Variants in TAF1A observed in about 807,000 individuals in gnomAD.
The protein encoded by TAF1A is TATA-box binding protein associated factor, RNA polymerase I subunit A.
A neutral mutation model predicts 61.6 loss-of-function variants in TAF1A; 42 were observed. That is an observed-to-expected ratio of 0.68 (90% CI 0.53 to 0.88). TAF1A has a LOEUF of 0.88. TAF1A is among the 40% of genes least tolerant of loss of function. The pLI is 0.00. For synonymous variants in TAF1A, 179 were observed against 177.7 expected, an observed-to-expected ratio of 1.01 and a Z score of -0.06; for missense variants, 424 against 518.7, an observed-to-expected ratio of 0.82 and a Z score of 1.77.
chr1:222,568,991 TAA>T (rs1296806232), intron 7 of TAF1A: 3 of 162,140 alleles, frequency 1.9e-5, no homozygotes, highest in African/African-American at 7.2e-5. Flanking sequence ...AATGACTACA[TAA>T]GAGTCCATTT....
chr1:222,583,632 G>T (rs1363228136), intron 3 of TAF1A, among the ~76,000 whole-genome samples: 1 of 152,084 alleles, frequency 6.6e-6, no homozygotes, highest in Non-Finnish European at 1.5e-5. Context: ...GAGGTCAAGA[G>T]ATTGAGACCG....
intron 10 of TAF1A, among the ~76,000 whole-genome samples, chr1:222,559,629 A>C (rs1434354771): frequency 6.6e-6 from 1 of 152,110 alleles, no homozygotes; most frequent in African/African-American, 2.4e-5. Flanking sequence ...ACCTATAGTA[A>C]CCATTTTTAT....
chr1:222,557,192 T>G (rs1455358305), downstream of TAF1A, among the ~76,000 whole-genome samples: 1 of 152,248 alleles, frequency 6.6e-6, no homozygotes, highest in Non-Finnish European at 1.5e-5. Context: ...TAGTGAGTCT[T>G]CATGGAACTC....
At chr1:222,568,656 C>T (rs1207134505) in intron 7 of TAF1A, among the ~76,000 whole-genome samples, 2 of 152,084 alleles carry the variant, frequency 1.3e-5, no homozygotes, top group Non-Finnish European at 2.9e-5. Context: ...GTGTGAATGT[C>T]GATGGTACAG....
intron 5 of TAF1A, among the ~76,000 whole-genome samples, chr1:222,572,677 A>C (rs894690395): frequency 2.0e-5 from 3 of 152,160 alleles, no homozygotes; most frequent in African/African-American, 4.8e-5. Flanking sequence ...ATTTTCAGTA[A>C]GGGTGCCAAG....
downstream of TAF1A, among the ~76,000 whole-genome samples, chr1:222,554,905 A>C (rs1274667741): frequency 6.6e-6 from 1 of 152,254 alleles, no homozygotes; most frequent in Non-Finnish European, 1.5e-5. Context: ...ATAATTAATC[A>C]GCTAGGGACT....
At chr1:222,569,286 A>G (rs1168524659) in intron 7 of TAF1A, 5 of 1,450,028 alleles carry the variant, frequency 3.4e-6, no homozygotes, top group African/African-American at 2.9e-5. Flanking sequence ...GGGTTGCACA[A>G]GACTTCTGAT....
At chr1:222,583,898 AAG>A (rs1357863432) in intron 3 of TAF1A, among the ~76,000 whole-genome samples, 2 of 152,154 alleles carry the variant, frequency 1.3e-5, no homozygotes, top group Admixed American at 1.3e-4. Context: ...AACATCCATA[AAG>A]AGGGGGGAAA....
intron 1 of TAF1A, among the ~76,000 whole-genome samples, chr1:222,589,431 T>A (rs2936041): frequency 0.86 from 130,312 of 152,228 alleles, 55,864 homozygotes; most frequent in East Asian, 0.93. Flanking sequence ...ACCTTCTAAA[T>A]TCAAAGCATG....
chr1:222,572,759 G>T (rs1660412832), intron 5 of TAF1A, among the ~76,000 whole-genome samples: 1 of 152,150 alleles, frequency 6.6e-6, no homozygotes, highest in Non-Finnish European at 1.5e-5. Context: ...AAATAATAAA[G>T]TTGGGCCCCT....
Position 222,579,891 on chromosome 1 carries a change from C to G in TAF1A, c.292-19G>C, listed in dbSNP as rs367997170. 2.5e-6 allele frequency: 4 copies of G among 1,585,720 alleles called. No individual in the cohort carries two copies. The highest frequency in any genetic ancestry group is 2.6e-6 in the Non-Finnish European group (3 of 1,171,506). ...AAATAATCTGTCAAAGCAGAAATTA[C>G]TGCCAAAATGTAAAATTTTTGCCTT... On this transcript the variant is annotated intron_variant, in intron 3 of 10. Transcript: ENST00000352967.
downstream of TAF1A, chr1:222,557,887 T>TTG (rs1553272557): frequency 3.2e-3 from 395 of 123,328 alleles, 1 homozygote; most frequent in South Asian, 5.0e-3. Flanking sequence ...TTTGTTTTTT[T>TTG]TTTTTTTTTT....
At chr1:222,571,710 A>G (rs1660359104) in intron 5 of TAF1A, among the ~76,000 whole-genome samples, 1 of 152,162 alleles carries the variant, frequency 6.6e-6, no homozygotes, top group African/African-American at 2.4e-5. Context: ...TACTGTTGAA[A>G]AAAAATTTTT....
intron 3 of TAF1A, among the ~76,000 whole-genome samples, chr1:222,580,708 A>T (rs1431916285): frequency 6.6e-6 from 1 of 152,030 alleles, no homozygotes; most frequent in Non-Finnish European, 1.5e-5. Flanking sequence ...GAGCTTAAAG[A>T]AAACCTGGGT....
At position 222,588,577 on chromosome 1, in the gene TAF1A, T is replaced by A; in HGVS notation, c.-2-12A>T. ...GAAATCACTCATACCTATTACAAGATGAGATATCAGTTACTTTCTGTACAT... is the reference window on the plus strand; with the variant it reads ...GAAATCACTCATACCTATTACAAGAAGAGATATCAGTTACTTTCTGTACAT... On this transcript the variant is annotated splice_polypyrimidine_tract_variant and intron_variant, in intron 1 of 10. Coordinates refer to ENST00000352967, the MANE Select transcript of TAF1A (RefSeq NM_005681.4). 6 of 1,611,802 alleles carry A rather than the reference T, an allele frequency of 3.7e-6. No homozygotes were observed. Among genetic ancestry groups the A allele is most frequent in the South Asian group, 1.1e-5 (1 of 90,414 alleles).
rs1172435307 is a variant in TAF1A at position 222,570,566 on chromosome 1, A to T, written c.704T>A (p.Val235Asp). 2.5e-6 allele frequency: 4 copies of T among 1,612,098 alleles called. No homozygotes were observed. The Admixed American group carries it at 6.7e-5, about 27-fold the overall frequency. The change falls in exon 6 of 11, where the codon GTT becomes GAT. Residue 235 changes from valine to aspartate, a missense_variant. Val to Asp is a radical substitution (Grantham distance 152, BLOSUM62 -3). Coordinates refer to ENST00000352967, the MANE Select transcript of TAF1A (RefSeq NM_005681.4). ...NISALIKIPGVWDPFVKSYVE... is the reference protein window; with the variant it reads ...NISALIKIPGDWDPFVKSYVE... ...ATAACTCTTCACAAAAGGGTCCCAA[A>T]CTCCAGGAATTTTAATCAATGCAGA...
Position 222,561,237 on chromosome 1 carries a change from G to C in TAF1A, c.1240+127C>G, listed in dbSNP as rs1387547097. 3.5e-6 allele frequency: 3 copies of C among 848,282 alleles called. No homozygotes were observed. The African/African-American group carries it at 5.2e-5, about 15-fold the overall frequency. The allele number at this position is 848,282 out of a possible 1,614,324, so 52.5% of individuals were successfully genotyped here. On this transcript the variant is annotated intron_variant, in intron 10 of 10. Coordinates refer to ENST00000352967, the MANE Select transcript of TAF1A (RefSeq NM_005681.4). ...AACTCAGGATTCACTCTTCCATTGA[G>C]CAGTTATGTCTTAAGCACCTAATAT... is the stretch of plus-strand genomic sequence containing the variant.
chr1:222,566,276 A>T lies in TAF1A; in HGVS notation c.895-2151T>A, dbSNP rs145472840. The stretch of plus-strand genomic sequence containing the variant: ...AAACCAAAACCACACTGAGACACAG[A>T]TACCACTTCACACCCACTAGGATAG... On this transcript the variant is annotated intron_variant, in intron 7 of 10. Coordinates refer to ENST00000352967, the MANE Select transcript of TAF1A (RefSeq NM_005681.4). Among the ~76,000 whole-genome samples the T allele has an allele frequency of 1.8e-3, 280 of 152,308 alleles. 6 individuals carry two copies. The East Asian group carries it at 0.048, about 26-fold the overall frequency.
chr1:222,567,725 T>C (rs1056139932), intron 7 of TAF1A, among the ~76,000 whole-genome samples: 2 of 152,202 alleles, frequency 1.3e-5, no homozygotes, highest in Non-Finnish European at 2.9e-5. Flanking sequence ...AAGTTGATTA[T>C]ACAATATACA....
Sources: allele counts gnomAD v4.1 joint callset (sites outside exome capture counted in the v4.1 genomes callset), GRCh38; gene constraint gnomAD v4.1.1; transcripts MANE v1.5; gene names NCBI Gene and HGNC (gene_info 2026-07-23, HGNC 2026-07-21).